HERC3: variants seen among roughly 807,000 people sequenced by gnomAD.
HERC3 encodes the protein HECT and RLD domain containing E3 ubiquitin protein ligase 3.
A neutral mutation model predicts 129.9 loss-of-function variants in HERC3; 58 were observed. The observed-to-expected ratio is 0.45, with a 90% CI of 0.36 to 0.56. The LOEUF (loss-of-function observed/expected upper bound fraction) is 0.56. Among genes scored for constraint, HERC3 ranks in the 20% least tolerant of loss-of-function variants. The probability of loss-of-function intolerance (pLI) is 0.00; values close to 1 mark genes in which losing one functional copy is unlikely to be tolerated. For synonymous variants in HERC3, 430 were observed against 451.0 expected (o/e 0.95, Z 0.59); for missense variants, 835 against 1,244.2 (o/e 0.67, Z 4.95).
the HERC3 span, among the ~76,000 whole-genome samples, chr4:88,568,781 G>A: frequency 6.6e-6 from 1 of 152,030 alleles, no homozygotes; most frequent in South Asian, 2.1e-4. Context: ...TGGAATGGGA[G>A]CCTCAGGACT....
At chr4:88,633,025 T>C (rs1439328243) in intron 3 of HERC3, among the ~76,000 whole-genome samples, 1 of 152,192 alleles carries the variant, frequency 6.6e-6, no homozygotes, top group Non-Finnish European at 1.5e-5. Context: ...GAAACAATGA[T>C]TCAGAAGACT....
intron 10 of HERC3, among the ~76,000 whole-genome samples, chr4:88,662,157 C>T (rs577809185): frequency 2.0e-5 from 3 of 152,260 alleles, no homozygotes; most frequent in African/African-American, 7.2e-5. Flanking sequence ...TCAGCCAGTC[C>T]TGAGTTGAGG....
chr4:88,561,356 T>A, the HERC3 span, among the ~76,000 whole-genome samples: 3 of 152,154 alleles, frequency 2.0e-5, no homozygotes, highest in Admixed American at 2.0e-4. Context: ...ATTTGTCACT[T>A]TATTTAATTT....
intron 3 of HERC3, 79 bp from the exon 4 acceptor site, chr4:88,649,761 G>A: frequency 8.1e-7 from 1 of 1,236,342 alleles, no homozygotes; most frequent in East Asian, 2.4e-5. Context: ...AAACTGCCCA[G>A]GAAGATAATC....
In HERC3 at chr4:88,606,614, G is replaced by A. The variant is rs185778851; in HGVS notation, c.226+565G>A. 1.2e-4 allele frequency among the ~76,000 whole-genome samples: 19 copies of A among 152,274 alleles called. No homozygotes were observed. The East Asian group carries it at 3.7e-3, about 29-fold the overall frequency. ...TGGGTTTACAGTTCCACGTGGCTGG[G>A]GAGGCCTCACAATCATGGCAGAAGG... On this transcript the variant is annotated intron_variant, in intron 3 of 25. Coordinates refer to ENST00000402738, the MANE Select transcript of HERC3 (RefSeq NM_014606.3).
the HERC3 span, among the ~76,000 whole-genome samples, chr4:88,538,544 TC>T: frequency 1.6e-5 from 2 of 128,672 alleles, no homozygotes; most frequent in African/African-American, 3.3e-5. Context: ...CCCAATTTCC[TC>T]TTTTTTTTTT....
chr4:88,545,427 A>ATTTTT, the HERC3 span, among the ~76,000 whole-genome samples: 1 of 118,682 alleles, frequency 8.4e-6, no homozygotes, highest in African/African-American at 4.2e-5. Flanking sequence ...CCTTTTGAGA[A>ATTTTT]TTCTTTTTTT....
chr4:88,531,957 AG>A, the HERC3 span, among the ~76,000 whole-genome samples: 1 of 152,196 alleles, frequency 6.6e-6, no homozygotes, highest in African/African-American at 2.4e-5. Flanking sequence ...CTCCAGAAGC[AG>A]CCCCCTGTTT....
At chr4:88,706,674 C>G in intron 25 of HERC3, 78 bp from the exon 26 acceptor site, 1 of 1,153,396 alleles carries the variant, frequency 8.7e-7, no homozygotes, top group Non-Finnish European at 1.3e-6. Flanking sequence ...TCATGCCTTC[C>G]TCTCCTGTTG....
Position 88,643,968 on chromosome 4 carries a change from G to T in HERC3, c.227-5872G>T, listed in dbSNP as rs555088194. ...AATAAAAATTTAATTTTAAAAATTGGCAAGAACTTCGAACAGACATTTATC... is the reference window on the plus strand; with the variant it reads ...AATAAAAATTTAATTTTAAAAATTGTCAAGAACTTCGAACAGACATTTATC... On this transcript the variant is annotated intron_variant, in intron 3 of 25. Coordinates refer to ENST00000402738, the MANE Select transcript of HERC3 (RefSeq NM_014606.3). 2.0e-5 allele frequency among the ~76,000 whole-genome samples: 3 copies of T among 152,242 alleles called. No individual in the cohort carries two copies. In the East Asian group the frequency reaches 5.8e-4, roughly 29 times the overall value.
At chr4:88,663,990 A>G (rs1472800846) in intron 11 of HERC3, among the ~76,000 whole-genome samples, 163 bp from the exon 12 acceptor site, 1 of 152,150 alleles carries the variant, frequency 6.6e-6, no homozygotes, top group Non-Finnish European at 1.5e-5. Context: ...GAGATGTGAC[A>G]TCCTGTTTTT....
the HERC3 span, among the ~76,000 whole-genome samples, chr4:88,570,949 G>A: frequency 1.5e-5 from 2 of 132,982 alleles, no homozygotes; most frequent in Non-Finnish European, 3.0e-5. Flanking sequence ...TAGTAGAGAT[G>A]GGGTTTCACC....
chr4:88,659,457 T>C (rs1376834068), intron 10 of HERC3, among the ~76,000 whole-genome samples: 4 of 152,234 alleles, frequency 2.6e-5, no homozygotes, highest in Non-Finnish European at 4.4e-5. Flanking sequence ...TGGAAAATCC[T>C]GGTGGAGCCC....
chr4:88,655,410 G>T, intron 8 of HERC3, 106 bp downstream of exon 8: 1 of 1,277,524 alleles, frequency 7.8e-7, no homozygotes, highest in South Asian at 1.4e-5. Flanking sequence ...CATTTTAAGA[G>T]ATCTTAACTG....
chr4:88,598,116 A>T (rs1372585203), intron 2 of HERC3: 1 of 152,190 alleles, frequency 6.6e-6, no homozygotes, highest in African/African-American at 2.4e-5. Context: ...ACTTGAAAGG[A>T]AGCTTATCCC....
At chr4:88,678,871 T>G (rs908974035) in intron 19 of HERC3, among the ~76,000 whole-genome samples, 1 of 152,366 alleles carries the variant, frequency 6.6e-6, no homozygotes, top group Middle Eastern at 3.4e-3. Context: ...TCTGCCTGGT[T>G]GTTCTTCCCA....
the HERC3 span, among the ~76,000 whole-genome samples, chr4:88,561,399 A>C: frequency 6.6e-6 from 1 of 152,106 alleles, no homozygotes; most frequent in Non-Finnish European, 1.5e-5. Flanking sequence ...GTAGGTATAT[A>C]TATTTATGGG....
chr4:88,562,154 C>T, the HERC3 span, among the ~76,000 whole-genome samples: 1 of 152,110 alleles, frequency 6.6e-6, no homozygotes, highest in Non-Finnish European at 1.5e-5. Context: ...CTCACCCCAG[C>T]ATGTGTTATT....
At chr4:88,662,406 T>A in intron 10 of HERC3, 25 bp from the exon 11 acceptor site, 1 of 1,592,544 alleles carries the variant, frequency 6.3e-7, no homozygotes, top group African/African-American at 1.4e-5. Flanking sequence ...ATTTCTTCTT[T>A]TTACTGTTAC....
Sources: allele counts gnomAD v4.1 joint callset (sites outside exome capture counted in the v4.1 genomes callset), GRCh38; gene constraint gnomAD v4.1.1; transcripts MANE v1.5; gene names NCBI Gene and HGNC (gene_info 2026-07-23, HGNC 2026-07-21).